Variants in KLF12 observed in about 807,000 individuals in gnomAD.
The protein encoded by KLF12 is KLF transcription factor 12, also known as Krueppel-like factor 12.
KLF12 carries 9 observed loss-of-function variants against 37.8 expected under a neutral mutation model. The observed-to-expected ratio is 0.24, with a 90% CI of 0.14 to 0.42. The LOEUF (loss-of-function observed/expected upper bound fraction) is 0.42. Ranked by LOEUF, KLF12 falls within the 10% of genes least tolerant of loss-of-function variation. The pLI, the probability that KLF12 is intolerant of heterozygous loss-of-function variation, is 1.00. For missense variants in KLF12, 411 were observed against 516.0 expected, an observed-to-expected ratio of 0.80 and a Z score of 1.97; for synonymous variants, 208 against 202.1, an observed-to-expected ratio of 1.03 and a Z score of -0.25.
At chr13:73,980,775 C>T (rs1461329709) in intron 2 of KLF12, among the ~76,000 whole-genome samples, 3 of 152,130 alleles carry the variant, frequency 2.0e-5, no homozygotes, top group Admixed American at 6.5e-5. Context: ...CACTATTTAA[C>T]GCACACCAGA....
chr13:74,201,562 CCTT>C, the KLF12 span, among the ~76,000 whole-genome samples: 1 of 152,116 alleles, frequency 6.6e-6, no homozygotes, highest in Non-Finnish European at 1.5e-5. Flanking sequence ...TTGATATAAT[CCTT>C]CTTTCCCCAT....
intron 3 of KLF12, among the ~76,000 whole-genome samples, chr13:73,910,378 G>A (rs1888510566): frequency 6.6e-6 from 1 of 151,960 alleles, no homozygotes; most frequent in South Asian, 2.1e-4. Context: ...AATATATTTG[G>A]CAAAATTTTG....
the KLF12 span, among the ~76,000 whole-genome samples, chr13:74,168,765 A>C: frequency 6.6e-6 from 1 of 152,190 alleles, no homozygotes; most frequent in Admixed American, 6.5e-5. Flanking sequence ...TCACCTATAA[A>C]CAGTTTACCA....
At chr13:74,229,192 A>G in the KLF12 span, among the ~76,000 whole-genome samples, 2 of 152,320 alleles carry the variant, frequency 1.3e-5, no homozygotes, top group South Asian at 4.1e-4. Flanking sequence ...CTTGGAGCAA[A>G]TCATCAAAGT....
At position 73,858,663 on chromosome 13, in the gene KLF12, A is replaced by G. The variant is rs577524968; in HGVS notation, c.124-12290T>C. Among the ~76,000 whole-genome samples, 135 of 152,328 alleles carry G rather than the reference A, an allele frequency of 8.9e-4. 1 individual carries two copies. The highest frequency in any genetic ancestry group is 1.3e-3 in the Non-Finnish European group (91 of 68,038). On this transcript the variant is annotated intron_variant, in intron 3 of 7. Coordinates refer to ENST00000377669, the MANE Select transcript of KLF12 (RefSeq NM_007249.5). ...ATTGTGATAAATCTGAGGATGCTAC[A>G]AAAGGATTTTTAACCCTTGCTCTGG... is the stretch of plus-strand genomic sequence containing the variant.
intron 2 of KLF12, among the ~76,000 whole-genome samples, chr13:73,948,979 C>A (rs759227942): frequency 6.6e-6 from 1 of 152,140 alleles, no homozygotes; most frequent in Admixed American, 6.5e-5. Context: ...TTACTGTGAG[C>A]CAGATCATGT....
chr13:74,130,241 C>A (rs545099120), intron 1 of KLF12, among the ~76,000 whole-genome samples: 1 of 152,252 alleles, frequency 6.6e-6, no homozygotes, highest in Non-Finnish European at 1.5e-5. Context: ...GGCCGAAAAA[C>A]AAGTAAGTGT....
At chr13:73,839,835 AC>A (rs1467283448) in intron 4 of KLF12, among the ~76,000 whole-genome samples, 1 of 152,246 alleles carries the variant, frequency 6.6e-6, no homozygotes, top group Non-Finnish European at 1.5e-5. Flanking sequence ...GAAAGGAACT[AC>A]AAAAAACAGA....
At chr13:74,276,090 C>T in the KLF12 span, among the ~76,000 whole-genome samples, 1 of 151,676 alleles carries the variant, frequency 6.6e-6, no homozygotes, top group South Asian at 2.1e-4. Flanking sequence ...TTAAGCCCCG[C>T]ATGGATTAAG....
intron 5 of KLF12, among the ~76,000 whole-genome samples, chr13:73,799,114 A>G (rs78773736): frequency 6.6e-6 from 1 of 152,326 alleles, no homozygotes; most frequent in Admixed American, 6.5e-5. Flanking sequence ...TTTGCAGCAC[A>G]TGGATGGAGT....
the KLF12 span, among the ~76,000 whole-genome samples, chr13:74,228,479 G>T: frequency 3.3e-5 from 5 of 151,980 alleles, no homozygotes; most frequent in African/African-American, 7.3e-5. Context: ...GAATTTTGAG[G>T]TCGCCTAGAC....
At chr13:73,937,336 A>C (rs987253945) in intron 3 of KLF12, among the ~76,000 whole-genome samples, 2 of 152,236 alleles carry the variant, frequency 1.3e-5, no homozygotes, top group Non-Finnish European at 2.9e-5. Flanking sequence ...TCTTCCACAA[A>C]GACAAGGAGA....
In KLF12 at chr13:73,686,897, T is replaced by G. The variant is rs758557932; in HGVS notation, c.*8593A>C. The G allele has an allele frequency of 6.6e-6, 1 of 152,366 alleles. No homozygotes were observed. The highest frequency in any genetic ancestry group is 1.5e-5 in the Non-Finnish European group (1 of 68,002). 9.4% of individuals were successfully genotyped at this position (152,366 alleles called of 1,614,324 possible). ...CGTCAAGGAAAAGAAAAAAGATGCC[T>G]GCTTGATTTGGCCAAAGATGATATT... On this transcript the variant is annotated 3_prime_UTR_variant, in exon 8 of 8. Coordinates refer to ENST00000377669, the MANE Select transcript of KLF12 (RefSeq NM_007249.5).
chr13:74,270,961 T>G, the KLF12 span, among the ~76,000 whole-genome samples: 1 of 152,150 alleles, frequency 6.6e-6, no homozygotes, highest in Admixed American at 6.5e-5. Flanking sequence ...CCCAGGCTGG[T>G]ACCGGTTCAT....
chr13:73,891,776 A>G (rs1439440951), intron 3 of KLF12, among the ~76,000 whole-genome samples: 1 of 152,122 alleles, frequency 6.6e-6, no homozygotes, highest in Non-Finnish European at 1.5e-5. Flanking sequence ...TTGGTAAACT[A>G]CAGTTTTCCT....
intron 1 of KLF12, among the ~76,000 whole-genome samples, chr13:74,004,307 T>C (rs180983645): frequency 1.9e-4 from 29 of 152,320 alleles, no homozygotes; most frequent in Admixed American, 7.2e-4. Context: ...GAATTTACTA[T>C]GTGCTAGCAA....
At chr13:73,937,126 C>A (rs1357219452) in intron 3 of KLF12, among the ~76,000 whole-genome samples, 1 of 151,712 alleles carries the variant, frequency 6.6e-6, no homozygotes, top group Admixed American at 6.6e-5. Flanking sequence ...GGAGGTGGAG[C>A]TTGCAGTGAG....
At chr13:73,796,189 C>T (rs1245189816) in intron 5 of KLF12, among the ~76,000 whole-genome samples, 1 of 152,156 alleles carries the variant, frequency 6.6e-6, no homozygotes, top group Non-Finnish European at 1.5e-5. Context: ...ATGACCTTCA[C>T]TCCTCTGACT....
chr13:73,724,132 G>T (rs1285788808), intron 6 of KLF12, among the ~76,000 whole-genome samples: 1 of 152,134 alleles, frequency 6.6e-6, no homozygotes, highest in East Asian at 1.9e-4. Context: ...CAGAGACTTG[G>T]AACCAACCCA....
Sources: gnomAD v4.1 joint callset for allele counts (sites outside exome capture counted in the v4.1 genomes callset) on GRCh38, gnomAD v4.1.1 for gene constraint, MANE v1.5 for transcripts, NCBI Gene and HGNC (gene_info 2026-07-23, HGNC 2026-07-21) for gene names.